COL19A1: variants seen among roughly 807,000 people sequenced by gnomAD.
The protein encoded by COL19A1 is collagen type XIX alpha 1 chain.
Under a neutral mutation model 190.2 loss-of-function variants are expected in COL19A1, and 159 were observed. The observed-to-expected ratio is 0.84, with a 90% CI of 0.73 to 0.95. The LOEUF (loss-of-function observed/expected upper bound fraction) is 0.95, where lower values mean the gene tolerates loss of function less well. Among genes scored for constraint, COL19A1 ranks in the 40% least tolerant of loss-of-function variants. The pLI, the probability that COL19A1 is intolerant of heterozygous loss-of-function variation, is 0.00. For missense variants in COL19A1, 1,418 were observed against 1,431.9 expected (o/e 0.99, Z 0.16); for synonymous variants, 509 against 458.9 (o/e 1.11, Z -1.39).
Position 70,206,901 on chromosome 6 carries a change from G to T in COL19A1, c.3224G>T (p.Gly1075Val). 6.2e-7 allele frequency: 1 copy of T among 1,613,092 alleles called. No homozygotes were observed. The highest frequency in any genetic ancestry group is 8.5e-7 in the Non-Finnish European group (1 of 1,179,656). ...PGPPGDPGPQGYRGQKGERGE... is the reference protein window; with the variant it reads ...PGPPGDPGPQVYRGQKGERGE... ...TCTTTTTTATATATTTCTCACTTAG[G>T]CTACAGAGGACAGAAGGGAGAAAGA... Residue 1075 changes from glycine to valine, a missense_variant and splice_region_variant, in exon 50 of 51, where the codon GGC becomes GTC. By Grantham distance (109) the Gly-to-Val change is moderately radical (BLOSUM62 -3). Transcript: ENST00000620364.
intron 2 of COL19A1, among the ~76,000 whole-genome samples, chr6:69,893,078 C>T (rs1180422819): frequency 2.0e-5 from 3 of 152,152 alleles, no homozygotes; most frequent in Admixed American, 6.5e-5. Context: ...TAAATTTCTT[C>T]GACTATGAAA....
chr6:70,101,508 A>T (rs1783629154), intron 15 of COL19A1, among the ~76,000 whole-genome samples: 1 of 152,194 alleles, frequency 6.6e-6, no homozygotes, highest in South Asian at 2.1e-4. Flanking sequence ...ACATGCAAGA[A>T]TTATACATTT....
rs993276326 is a variant in COL19A1, at chr6:70,010,508, G to A, written c.1027-13119G>A. Among the ~76,000 whole-genome samples, 8 of 142,568 alleles carry A rather than the reference G, an allele frequency of 5.6e-5. 1 individual carries two copies. In the South Asian group the frequency reaches 6.7e-4, roughly 12 times the overall value. The allele number at this position is 142,568 out of a possible 152,430, so 93.5% of individuals were successfully genotyped here. ...GCGCAGGCCAGTGTGTGTGCGCACC[G>A]TGCGCGAGCGGAAGCAGGGCGAGGC... On this transcript the variant is annotated intron_variant, in intron 11 of 50. Transcript: ENST00000620364.
At chr6:70,048,207 C>T (rs759659893) in intron 14 of COL19A1, among the ~76,000 whole-genome samples, 3 of 152,026 alleles carry the variant, frequency 2.0e-5, no homozygotes, top group Admixed American at 6.6e-5. Flanking sequence ...CCATAAGCAA[C>T]GGAGAGAAAA....
In COL19A1 at chr6:69,914,580, G is replaced by A. The variant is rs562239335; in HGVS notation, c.267-13329G>A. Reference sequence around the variant, plus strand: ...AGCCAGTTCTTGATATTTAAAAATCGATTTTTTTCCATTTAGCCATTTAAT... The same window carrying A: ...AGCCAGTTCTTGATATTTAAAAATCAATTTTTTTCCATTTAGCCATTTAAT... On this transcript the variant is annotated intron_variant, in intron 4 of 50. Coordinates refer to ENST00000620364, the MANE Select transcript of COL19A1 (RefSeq NM_001858.6). 3.9e-5 allele frequency among the ~76,000 whole-genome samples: 6 copies of A among 152,214 alleles called. No homozygotes were observed. The South Asian group carries it at 1.0e-3, about 26-fold the overall frequency.
At chr6:69,923,021 G>A (rs552469076) in intron 4 of COL19A1, among the ~76,000 whole-genome samples, 83 of 152,084 alleles carry the variant, frequency 5.5e-4, no homozygotes, top group Non-Finnish European at 9.3e-4. Flanking sequence ...AAAATGAAGA[G>A]AAAAAATGTT....
At chr6:69,908,447 T>G (rs986733919) in intron 4 of COL19A1, among the ~76,000 whole-genome samples, 5 of 152,214 alleles carry the variant, frequency 3.3e-5, no homozygotes, top group African/African-American at 1.2e-4. Context: ...ATCACTGTAT[T>G]TCCTTCATTG....
chr6:69,937,960 G>C (rs911754003), intron 8 of COL19A1, 78 bp from the exon 9 acceptor site: 4 of 1,396,604 alleles, frequency 2.9e-6, no homozygotes, highest in Non-Finnish European at 4.0e-6. Context: ...GCTAGTGCCA[G>C]CTTCACATTT....
rs1346239537 is a variant in COL19A1, at chr6:70,020,332, T to G, written c.1027-3295T>G. On this transcript the variant is annotated intron_variant, in intron 11 of 50. Transcript: ENST00000620364. ...TTTGCCTTACAGGTTCATAATATTTTGTCAGATATATATATTTTTCTCTTA... is the reference window on the plus strand; with the variant it reads ...TTTGCCTTACAGGTTCATAATATTTGGTCAGATATATATATTTTTCTCTTA... Among the ~76,000 whole-genome samples the G allele has an allele frequency of 5.3e-5, 8 of 152,272 alleles. No homozygotes were observed. In the East Asian group the frequency reaches 1.3e-3, roughly 26 times the overall value.
chr6:70,037,599 A>C (rs1414276703), intron 14 of COL19A1, among the ~76,000 whole-genome samples: 1 of 152,208 alleles, frequency 6.6e-6, no homozygotes, highest in African/African-American at 2.4e-5. Flanking sequence ...TATGTAAGAC[A>C]CATGCCTGTT....
rs149779964 is a variant in COL19A1, at chr6:70,067,280, C to T, written c.1171-1143C>T. Reference sequence around the variant, plus strand: ...CAGATGAGCAAGAATATGGGAGCAGCAGGAGTGGAGAGAAATGGATGAATC... The same window carrying T: ...CAGATGAGCAAGAATATGGGAGCAGTAGGAGTGGAGAGAAATGGATGAATC... On this transcript the variant is annotated intron_variant, in intron 14 of 50. Coordinates refer to ENST00000620364, the MANE Select transcript of COL19A1 (RefSeq NM_001858.6). Among the ~76,000 whole-genome samples, 561 of 152,168 alleles carry T rather than the reference C, an allele frequency of 3.7e-3. 11 individuals are homozygous for T. The highest frequency in any genetic ancestry group is 0.013 in the African/African-American group (531 of 41,520).
At chr6:70,007,180 G>C (rs999332220) in intron 11 of COL19A1, among the ~76,000 whole-genome samples, 1 of 151,984 alleles carries the variant, frequency 6.6e-6, no homozygotes, top group Non-Finnish European at 1.5e-5. Context: ...TTTTTGTGTA[G>C]GGTGTGATTT....
At chr6:70,051,745 T>C (rs1032007485) in intron 14 of COL19A1, among the ~76,000 whole-genome samples, 2 of 152,130 alleles carry the variant, frequency 1.3e-5, no homozygotes, top group African/African-American at 4.8e-5. Context: ...AATACCATTT[T>C]TCATTTCTAT....
intron 8 of COL19A1, among the ~76,000 whole-genome samples, chr6:69,937,763 G>A (rs1295346072): frequency 6.6e-6 from 1 of 152,090 alleles, no homozygotes; most frequent in Non-Finnish European, 1.5e-5. Context: ...GGCAAGGTTC[G>A]GGGGTCCATA....
chr6:70,184,979 G>A, intron 46 of COL19A1, 64 bp downstream of exon 46: 7 of 1,512,330 alleles, frequency 4.6e-6, no homozygotes, highest in Non-Finnish European at 6.3e-6. Flanking sequence ...CATCATTTGA[G>A]TTACACAATT....
chr6:69,986,562 A>G (rs1776327953), intron 11 of COL19A1, among the ~76,000 whole-genome samples: 1 of 152,176 alleles, frequency 6.6e-6, no homozygotes, highest in Admixed American at 6.5e-5. Context: ...TTGCATAACA[A>G]CTAAAGTTTG....
rs549933617 is a variant in COL19A1, at chr6:70,131,080, C to T, written c.1383+857C>T. ...TTAATTATCATAGCTGTAAAGATGA[C>T]AGATTCACTTCCCCATTCAATAAGA... On this transcript the variant is annotated intron_variant, in intron 18 of 50. Coordinates refer to ENST00000620364, the MANE Select transcript of COL19A1 (RefSeq NM_001858.6). The T allele has an allele frequency of 5.6e-5, 26 of 461,278 alleles. 1 individual carries two copies. The highest frequency in any genetic ancestry group is 4.0e-4 in the South Asian group (25 of 62,438). The allele number at this position is 461,278 out of a possible 1,614,324, so 28.6% of individuals were successfully genotyped here.
intron 2 of COL19A1, among the ~76,000 whole-genome samples, chr6:69,887,257 A>G (rs1038937046): frequency 1.3e-5 from 2 of 152,226 alleles, no homozygotes; most frequent in East Asian, 1.9e-4. Flanking sequence ...GCTTCCCTAC[A>G]TACATTGTGA....
chr6:70,044,629 G>A (rs1779810515), intron 14 of COL19A1, among the ~76,000 whole-genome samples: 3 of 152,154 alleles, frequency 2.0e-5, no homozygotes, highest in Admixed American at 1.3e-4. Context: ...CCAAGTAGAG[G>A]GAGAGAGACA....
Sources: gnomAD v4.1 joint callset for allele counts (sites outside exome capture counted in the v4.1 genomes callset) on GRCh38, gnomAD v4.1.1 for gene constraint, MANE v1.5 for transcripts, NCBI Gene and HGNC (gene_info 2026-07-23, HGNC 2026-07-21) for gene names.